Variants in TJP1 observed in about 807,000 individuals in gnomAD.
TJP1 encodes tight junction protein 1, also known as tight junction protein ZO-1.
TJP1 carries 43 observed loss-of-function variants against 194.2 expected under a neutral mutation model. The observed-to-expected ratio is 0.22, with a 90% CI of 0.17 to 0.29. TJP1 has a LOEUF of 0.29. TJP1 is among the 10% of genes least tolerant of loss of function. The pLI, the probability that TJP1 is intolerant of heterozygous loss-of-function variation, is 1.00. For synonymous variants in TJP1, 801 were observed against 779.0 expected (o/e 1.03, Z -0.47); for missense variants, 1,971 against 2,185.7 (o/e 0.90, Z 1.96).
chr15:29,726,265 C>T (rs2043229569), intron 18 of TJP1, 114 bp downstream of exon 18: 1 of 894,732 alleles, frequency 1.1e-6, no homozygotes, highest in East Asian at 2.6e-5. Flanking sequence ...GCTAACTTTC[C>T]CCAAATTTCT....
intron 8 of TJP1, among the ~76,000 whole-genome samples, chr15:29,755,272 C>T (rs996542496): frequency 3.3e-5 from 5 of 152,174 alleles, no homozygotes; most frequent in Non-Finnish European, 4.4e-5. Context: ...CTATGATGTT[C>T]ACACAAGGAT....
At chr15:29,922,486 G>C (rs1387740942) in intron 2 of TJP1, among the ~76,000 whole-genome samples, 1 of 152,120 alleles carries the variant, frequency 6.6e-6, no homozygotes. Context: ...TTTTTGTAAA[G>C]GGCTATGTTT....
Position 29,966,914 on chromosome 15 carries a change from G to C in TJP1, c.173+1753C>G, listed in dbSNP as rs377528750. Reference sequence around the variant, plus strand: ...CCCTTCTTCCTTCACTGTAGTGACAGTCTTCATTTATTTGCTAACATCTCC... The same window carrying C: ...CCCTTCTTCCTTCACTGTAGTGACACTCTTCATTTATTTGCTAACATCTCC... On this transcript the variant is annotated intron_variant, in intron 1 of 28. Coordinates refer to the TJP1 transcript ENST00000356107. Among the ~76,000 whole-genome samples, 8 of 152,136 alleles carry C rather than the reference G, an allele frequency of 5.3e-5. No individual in the cohort carries two copies. The East Asian group carries it at 1.3e-3, about 26-fold the overall frequency.
chr15:29,839,246 C>T (rs141996019), intron 2 of TJP1, among the ~76,000 whole-genome samples: 8 of 152,120 alleles, frequency 5.3e-5, no homozygotes, highest in African/African-American at 1.9e-4. Flanking sequence ...GATCTGCCCG[C>T]CTCAGCCTTC....
chr15:29,784,641 C>T (rs903949802), intron 2 of TJP1, among the ~76,000 whole-genome samples: 2 of 151,948 alleles, frequency 1.3e-5, no homozygotes. Flanking sequence ...CCTTCAAGTA[C>T]AAAAAACACA....
chr15:29,859,588 T>C (rs1171930980), intron 2 of TJP1, among the ~76,000 whole-genome samples: 5 of 151,984 alleles, frequency 3.3e-5, no homozygotes, highest in African/African-American at 1.2e-4. Flanking sequence ...AGGAAGTGGC[T>C]GTGAAACCGG....
intron 2 of TJP1, among the ~76,000 whole-genome samples, chr15:29,943,260 T>C (rs1271449473): frequency 6.6e-6 from 1 of 152,222 alleles, no homozygotes; most frequent in African/African-American, 2.4e-5. Flanking sequence ...TAGCTAATCC[T>C]TCTTTCCCTA....
intron 2 of TJP1, among the ~76,000 whole-genome samples, chr15:29,785,073 G>A (rs930961430): frequency 2.6e-5 from 4 of 152,080 alleles, no homozygotes; most frequent in Non-Finnish European, 4.4e-5. Context: ...TATCTTCAAC[G>A]TAAAAATTGT....
At chr15:29,809,304 C>T (rs981441186) in intron 1 of TJP1, among the ~76,000 whole-genome samples, 1 of 152,106 alleles carries the variant, frequency 6.6e-6, no homozygotes, top group African/African-American at 2.4e-5. Context: ...ATTGCTCTAG[C>T]TACAGTTAAC....
At chr15:29,954,435 G>C (rs1251136575) in intron 2 of TJP1, among the ~76,000 whole-genome samples, 1 of 152,124 alleles carries the variant, frequency 6.6e-6, no homozygotes, top group Non-Finnish European at 1.5e-5. Context: ...TAGAAAAAAA[G>C]CTGATAAAAT....
rs58512547 is a variant in TJP1 at position 29,965,186 on chromosome 15, C to CATTTATTTATTTATTT, written c.173+3465_173+3480dup. Among the ~76,000 whole-genome samples, 47 of 148,290 alleles carry CATTTATTTATTTATTT rather than the reference C, an allele frequency of 3.2e-4. 1 individual carries two copies. The highest frequency in any genetic ancestry group is 4.9e-4 in the Non-Finnish European group (33 of 67,452). On this transcript the variant is annotated intron_variant, in intron 1 of 28. Transcript: ENST00000356107. ...GACCAGTTTTCATAATACATCCTCACATTTATTTATTTATTTATTTATTTA... is the reference window on the plus strand; with the variant it reads ...GACCAGTTTTCATAATACATCCTCACATTTATTTATTTATTTATTTATTTATTTATTTATTTATTTA...
intron 2 of TJP1, among the ~76,000 whole-genome samples, chr15:29,864,462 A>C (rs2052229294): frequency 6.6e-6 from 1 of 152,110 alleles, no homozygotes. Context: ...TTAGTAACTC[A>C]AGAGCTTAAC....
In TJP1 at chr15:29,849,741, G is replaced by A. The variant is rs1394168159; in HGVS notation, c.307-49039C>T. Among the ~76,000 whole-genome samples the A allele has an allele frequency of 5.1e-5, 7 of 136,486 alleles. No individual in the cohort carries two copies. In the East Asian group the frequency reaches 6.2e-4, roughly 12 times the overall value. 89.5% of individuals were successfully genotyped at this position (136,486 alleles called of 152,430 possible). A position where few individuals can be genotyped will look rare whatever the true frequency, so the allele number is the denominator to read the frequency against. On this transcript the variant is annotated intron_variant, in intron 2 of 28. Coordinates refer to the TJP1 transcript ENST00000356107. ...CAGCCTGGGCAACAGAGAGGACTCC[G>A]TCTCAAAAAAAAAAAAAAAAGAGAC...
At chr15:29,836,253 C>T (rs1267222009) in intron 2 of TJP1, among the ~76,000 whole-genome samples, 1 of 151,768 alleles carries the variant, frequency 6.6e-6, no homozygotes. Flanking sequence ...ACTATTGTTA[C>T]GTTATCTGTG....
chr15:29,837,613 A>C (rs1015911879), intron 2 of TJP1, among the ~76,000 whole-genome samples: 1 of 152,252 alleles, frequency 6.6e-6, no homozygotes, highest in Non-Finnish European at 1.5e-5. Context: ...TGTAGGCTTT[A>C]TATGTTGTGT....
intron 2 of TJP1, among the ~76,000 whole-genome samples, chr15:29,844,644 G>A (rs1036939664): frequency 6.6e-6 from 1 of 152,204 alleles, no homozygotes; most frequent in African/African-American, 2.4e-5. Context: ...CAGCCATCTA[G>A]TAAGATGGTA....
At chr15:29,737,490 A>G in intron 10 of TJP1, 76 bp from the exon 11 acceptor site, 2 of 1,484,692 alleles carry the variant, frequency 1.3e-6, no homozygotes, top group Non-Finnish European at 1.8e-6. Flanking sequence ...AGTGAAAACT[A>G]TATTCAGAAT....
rs530257129 is a variant in TJP1 at position 29,919,140 on chromosome 15, C to T, written c.306+37092G>A. 5.3e-5 allele frequency among the ~76,000 whole-genome samples: 8 copies of T among 152,290 alleles called. No homozygotes were observed. In the East Asian group the frequency reaches 1.5e-3, roughly 29 times the overall value. On this transcript the variant is annotated intron_variant, in intron 2 of 28. Transcript: ENST00000356107. Reference sequence around the variant, plus strand: ...AGGTCTCAATAGCAACATTCAGATGCTAGAGTAGAACAATGTTTTTCAAAT... The same window carrying T: ...AGGTCTCAATAGCAACATTCAGATGTTAGAGTAGAACAATGTTTTTCAAAT...
chr15:29,827,274 C>T (rs1049000796), upstream of TJP1, among the ~76,000 whole-genome samples: 1 of 152,294 alleles, frequency 6.6e-6, no homozygotes, highest in African/African-American at 2.4e-5. Context: ...CTCAAAGTCC[C>T]CAAACCCTGT....
Sources: allele counts gnomAD v4.1 joint callset (sites outside exome capture counted in the v4.1 genomes callset), GRCh38; gene constraint gnomAD v4.1.1; transcripts MANE v1.5; gene names NCBI Gene and HGNC (gene_info 2026-07-23, HGNC 2026-07-21).